Variants in TCF4 observed in about 807,000 individuals in gnomAD.
TCF4 encodes the protein transcription factor 4.
TCF4 carries 3 observed loss-of-function variants against 82.1 expected under a neutral mutation model. That is an observed-to-expected ratio of 0.04 (90% confidence interval 0.02 to 0.09). The LOEUF (loss-of-function observed/expected upper bound fraction) is 0.09. Among genes scored for constraint, TCF4 ranks in the 10% least tolerant of loss-of-function variants. The pLI is 1.00. For synonymous variants in TCF4, 276 were observed against 309.6 expected, an observed-to-expected ratio of 0.89 and a Z score of 1.14; for missense variants, 518 against 852.7, an observed-to-expected ratio of 0.61 and a Z score of 4.89.
At chr18:55,572,596 A>G (rs546908902) in intron 3 of TCF4, among the ~76,000 whole-genome samples, 25 of 152,348 alleles carry the variant, frequency 1.6e-4, no homozygotes, top group African/African-American at 6.0e-4. Context: ...ATAGAATACC[A>G]CATAAATTAA....
intron 2 of TCF4, among the ~76,000 whole-genome samples, chr18:55,603,752 A>G (rs549553322): frequency 6.6e-6 from 1 of 152,284 alleles, no homozygotes; most frequent in South Asian, 2.1e-4. Flanking sequence ...CACAGAATAT[A>G]TAGAATAGAT....
intron 8 of TCF4, among the ~76,000 whole-genome samples, chr18:55,322,565 C>T (rs2075881420): frequency 6.6e-6 from 1 of 152,200 alleles, no homozygotes; most frequent in African/African-American, 2.4e-5. Flanking sequence ...TGCGGCCCGC[C>T]CCGGGCTCCG....
In TCF4 at chr18:55,603,848, G is replaced by T. The variant is rs1426743343; in HGVS notation, c.287-16712C>A. On this transcript the variant is annotated intron_variant, in intron 2 of 20. Transcript: ENST00000398339. The stretch of plus-strand genomic sequence containing the variant: ...GCCAGGAGATCATGGCACAGCATGG[G>T]AACAATTCCTCCTGAGGAGAAAACA... 4.6e-5 allele frequency among the ~76,000 whole-genome samples: 7 copies of T among 152,242 alleles called. No homozygotes were observed. The East Asian group carries it at 1.4e-3, about 29-fold the overall frequency.
chr18:55,596,103 C>T (rs1480713618), intron 2 of TCF4: 1 of 439,086 alleles, frequency 2.3e-6, no homozygotes. Context: ...AGTGATGACT[C>T]ACGCCTATCC....
intron 10 of TCF4, 114 bp downstream of exon 10, chr18:55,275,505 G>A (rs1344981279): frequency 7.5e-7 from 1 of 1,332,462 alleles, no homozygotes; most frequent in African/African-American, 1.4e-5. Context: ...AATAATGGGT[G>A]TGTGCCATTT....
At chr18:55,441,248 T>C (rs1238129450) in intron 5 of TCF4, among the ~76,000 whole-genome samples, 1 of 152,242 alleles carries the variant, frequency 6.6e-6, no homozygotes, top group Non-Finnish European at 1.5e-5. Context: ...CTGAAGCTTC[T>C]AGCTGGATTA....
At chr18:55,541,669 C>T (rs1206216516) in intron 3 of TCF4, among the ~76,000 whole-genome samples, 1 of 151,894 alleles carries the variant, frequency 6.6e-6, no homozygotes, top group African/African-American at 2.4e-5. Flanking sequence ...AGAACCTTTG[C>T]TACAAAACTG....
At position 55,277,726 on chromosome 18, in the gene TCF4, A is replaced by G. The variant is rs758505000; in HGVS notation, c.655+1825T>C. 1.1e-4 allele frequency among the ~76,000 whole-genome samples: 17 copies of G among 151,992 alleles called. 1 individual carries two copies. The highest frequency in any genetic ancestry group is 1.5e-5 in the Non-Finnish European group (1 of 68,016). On this transcript the variant is annotated intron_variant, in intron 9 of 19. Coordinates refer to ENST00000354452, the MANE Select transcript of TCF4 (RefSeq NM_001083962.2). ...TATAATCTACCTGGCCTCTCCTGCA[A>G]TGTGCACCCTTCCAGAAAGCCACTT...
chr18:55,379,758 A>G (rs2091551187), intron 6 of TCF4, among the ~76,000 whole-genome samples: 1 of 152,306 alleles, frequency 6.6e-6, no homozygotes, highest in African/African-American at 2.4e-5. Context: ...TTTAGCTGCT[A>G]TAACAAAATA....
intron 15 of TCF4, among the ~76,000 whole-genome samples, chr18:55,238,697 TCTC>T (rs71838815): frequency 0.045 from 6,809 of 152,270 alleles, 487 homozygotes; most frequent in African/African-American, 0.15. Flanking sequence ...ATTCAGCCTC[TCTC>T]CTCTCTCTGG....
At chr18:55,362,339 G>GAGGAAGGAAGGAAGGAAGGAAGGA (rs765447444) in intron 6 of TCF4, among the ~76,000 whole-genome samples, 23 of 68,578 alleles carry the variant, frequency 3.4e-4, no homozygotes, top group Non-Finnish European at 4.7e-4. Context: ...AAAAAAAAAA[G>GAGGAAGGAAGGAAGGAAGGAAGGA]AGGAAGGAAG....
In TCF4 at chr18:55,226,449, C is replaced by T. The variant is rs867452925; in HGVS notation, c.*1586G>A. 9.2e-5 allele frequency: 14 copies of T among 152,630 alleles called. No individual in the cohort carries two copies. In the East Asian group the frequency reaches 2.1e-3, roughly 23 times the overall value. The allele number at this position is 152,630 out of a possible 1,614,324, so 9.5% of individuals were successfully genotyped here. A position where few individuals can be genotyped will look rare whatever the true frequency, so the allele number is the denominator to read the frequency against. ...GGAAGTTGGTTCAATTGTGCCCAGA[C>T]GTCAAAGCTAGCTATCTGATGAGTC... On this transcript the variant is annotated 3_prime_UTR_variant, in exon 20 of 20. Coordinates refer to ENST00000354452, the MANE Select transcript of TCF4 (RefSeq NM_001083962.2).
chr18:55,244,703 C>T (rs1372584653), intron 15 of TCF4, among the ~76,000 whole-genome samples: 1 of 152,188 alleles, frequency 6.6e-6, no homozygotes, highest in Non-Finnish European at 1.5e-5. Flanking sequence ...AAGGTTTAGA[C>T]ATTTTGCAAA....
chr18:55,463,283 ATCC>A (rs775712674), intron 4 of TCF4, among the ~76,000 whole-genome samples: 10 of 152,340 alleles, frequency 6.6e-5, no homozygotes, highest in Non-Finnish European at 1.0e-4. Flanking sequence ...AACACAGATG[ATCC>A]TCTGGATCTA....
At chr18:55,529,346 G>A (rs960964084) in intron 3 of TCF4, among the ~76,000 whole-genome samples, 4 of 152,160 alleles carry the variant, frequency 2.6e-5, no homozygotes, top group African/African-American at 9.7e-5. Context: ...CATCTCATGA[G>A]TAAACAGTTC....
Position 55,224,376 on chromosome 18 carries a change from AAG to A in TCF4, c.*3657_*3658del, listed in dbSNP as rs1270233369. 1 of 152,614 alleles carries A rather than the reference AAG, an allele frequency of 6.6e-6. No homozygotes were observed. Among genetic ancestry groups the A allele is most frequent in the Non-Finnish European group, 1.5e-5 (1 of 68,026 alleles). 9.5% of individuals were successfully genotyped at this position (152,614 alleles called of 1,614,324 possible). A position where few individuals can be genotyped will look rare whatever the true frequency, so the allele number is the denominator to read the frequency against. On this transcript the variant is annotated 3_prime_UTR_variant, in exon 20 of 20. Transcript: ENST00000354452. ...ACAAACAAAACCAAAGCAAAATAAAAAGAGAGGCCTAAAGGCCTTGGTGCCCC... is the reference window on the plus strand; with the variant it reads ...ACAAACAAAACCAAAGCAAAATAAAAAGAGGCCTAAAGGCCTTGGTGCCCC...
intron 2 of TCF4, among the ~76,000 whole-genome samples, chr18:55,628,603 T>C (rs1194988588): frequency 6.6e-6 from 1 of 152,172 alleles, no homozygotes; most frequent in East Asian, 1.9e-4. Context: ...CCATTAGTGA[T>C]GGTCATTGGA....
chr18:55,541,029 G>A (rs1331301305), intron 3 of TCF4, among the ~76,000 whole-genome samples: 2 of 151,940 alleles, frequency 1.3e-5, no homozygotes, highest in East Asian at 3.9e-4. Context: ...TTCATATAGT[G>A]AGTTCCATAG....
chr18:55,360,375 G>A (rs930705473), intron 6 of TCF4, among the ~76,000 whole-genome samples: 6 of 152,248 alleles, frequency 3.9e-5, no homozygotes, highest in Non-Finnish European at 8.8e-5. Flanking sequence ...TAAAATTTTG[G>A]TGTGTTTCTT....
Sources: gnomAD v4.1 joint callset for allele counts (sites outside exome capture counted in the v4.1 genomes callset) on GRCh38, gnomAD v4.1.1 for gene constraint, MANE v1.5 for transcripts, NCBI Gene and HGNC (gene_info 2026-07-23, HGNC 2026-07-21) for gene names.